Variants in CDH13 observed in about 807,000 individuals in gnomAD.
The protein encoded by CDH13 is cadherin 13, also known as cadherin-13.
A neutral mutation model predicts 63.8 loss-of-function variants in CDH13; 24 were observed. The ratio of observed to expected loss-of-function variants is 0.38; its 90% CI spans 0.27 to 0.53. The LOEUF (loss-of-function observed/expected upper bound fraction) is 0.53. CDH13 is among the 20% of genes least tolerant of loss of function. CDH13 has a pLI of 0.85. For synonymous variants in CDH13, 503 were observed against 355.3 expected, an observed-to-expected ratio of 1.42 and a Z score of -4.67; for missense variants, 1,049 against 903.1, an observed-to-expected ratio of 1.16 and a Z score of -2.07.
intron 1 of CDH13, among the ~76,000 whole-genome samples, chr16:82,752,837 T>C (rs1345257307): frequency 6.6e-6 from 1 of 152,188 alleles, no homozygotes; most frequent in Non-Finnish European, 1.5e-5. Context: ...CAATGACGTA[T>C]CATAGAATGT....
intron 7 of CDH13, among the ~76,000 whole-genome samples, chr16:83,552,471 C>A (rs34357611): frequency 0.3 from 46,214 of 151,992 alleles, 7,091 homozygotes; most frequent in Middle Eastern, 0.36. Flanking sequence ...CTGGCATGGC[C>A]CTCCGTCTCC....
chr16:83,201,204 T>TA (rs1001991716), intron 4 of CDH13, among the ~76,000 whole-genome samples: 1 of 152,146 alleles, frequency 6.6e-6, no homozygotes, highest in Non-Finnish European at 1.5e-5. Flanking sequence ...CTTTATTTAT[T>TA]AAAAAATATT....
intron 5 of CDH13, among the ~76,000 whole-genome samples, chr16:83,230,659 C>T (rs573586411): frequency 3.6e-4 from 55 of 152,188 alleles, no homozygotes; most frequent in African/African-American, 1.2e-3. Context: ...TGGTGGCAAG[C>T]GCCTGTAGTC....
chr16:83,554,631 AG>A (rs1473456273), intron 7 of CDH13, among the ~76,000 whole-genome samples: 1 of 152,076 alleles, frequency 6.6e-6, no homozygotes, highest in Non-Finnish European at 1.5e-5. Flanking sequence ...CTGTCACAAA[AG>A]ACTGCAAAAA....
chr16:83,322,584 G>A (rs1181806488), intron 5 of CDH13, among the ~76,000 whole-genome samples: 6 of 152,132 alleles, frequency 3.9e-5, no homozygotes, highest in Non-Finnish European at 7.3e-5. Context: ...GGGTGCAGCA[G>A]TATATACCTG....
At chr16:82,929,282 C>G (rs948408719) in intron 2 of CDH13, among the ~76,000 whole-genome samples, 1 of 151,984 alleles carries the variant, frequency 6.6e-6, no homozygotes, top group African/African-American at 2.4e-5. Context: ...GGACTTTACT[C>G]TCAGGATATT....
chr16:83,753,559 A>G (rs1369525703), intron 11 of CDH13, among the ~76,000 whole-genome samples: 1 of 152,172 alleles, frequency 6.6e-6, no homozygotes, highest in East Asian at 1.9e-4. Context: ...AAAAAAGTAA[A>G]TAGTGCTAAC....
chr16:83,104,726 G>T (rs1264771048), intron 3 of CDH13, among the ~76,000 whole-genome samples: 1 of 152,120 alleles, frequency 6.6e-6, no homozygotes, highest in Admixed American at 6.5e-5. Context: ...TTTAAGAATT[G>T]GTTGAACAAA....
intron 8 of CDH13, among the ~76,000 whole-genome samples, chr16:83,612,187 C>T (rs968407401): frequency 1.3e-5 from 2 of 151,954 alleles, no homozygotes; most frequent in African/African-American, 4.8e-5. Context: ...TTGAGGCTGT[C>T]TTATTAGATG....
intron 7 of CDH13, among the ~76,000 whole-genome samples, chr16:83,489,410 C>T (rs1305968867): frequency 6.6e-6 from 1 of 152,192 alleles, no homozygotes; most frequent in Non-Finnish European, 1.5e-5. Context: ...TGTCACTCTT[C>T]TGTGAGGGTT....
At chr16:83,523,808 C>G (rs1037461646) in intron 7 of CDH13, among the ~76,000 whole-genome samples, 5 of 152,234 alleles carry the variant, frequency 3.3e-5, no homozygotes, top group Non-Finnish European at 5.9e-5. Context: ...AGAACGACAA[C>G]AGTCCCCATT....
At chr16:82,995,987 A>G (rs1298724911) in intron 2 of CDH13, among the ~76,000 whole-genome samples, 1 of 152,188 alleles carries the variant, frequency 6.6e-6, no homozygotes, top group Non-Finnish European at 1.5e-5. Context: ...GTCAAGTGAG[A>G]TTCAAAATGG....
intron 5 of CDH13, among the ~76,000 whole-genome samples, chr16:83,343,900 A>C (rs1453986435): frequency 6.6e-6 from 1 of 152,214 alleles, no homozygotes; most frequent in Non-Finnish European, 1.5e-5. Flanking sequence ...TATAGTATAG[A>C]GCTAAAGTAA....
chr16:83,505,157 T>G (rs915497874), intron 7 of CDH13, among the ~76,000 whole-genome samples: 1 of 152,216 alleles, frequency 6.6e-6, no homozygotes, highest in Non-Finnish European at 1.5e-5. Flanking sequence ...TTTGGTGCTC[T>G]TATTTCCACA....
chr16:83,189,608 G>T (rs1474281335), intron 4 of CDH13, among the ~76,000 whole-genome samples: 1 of 152,160 alleles, frequency 6.6e-6, no homozygotes, highest in Non-Finnish European at 1.5e-5. Context: ...CTGGATCCAG[G>T]CCTCACACAG....
intron 6 of CDH13, among the ~76,000 whole-genome samples, chr16:83,444,746 A>T (rs918916145): frequency 2.5e-5 from 2 of 80,310 alleles, no homozygotes; most frequent in African/African-American, 1.0e-4. Flanking sequence ...AACCAGCTTA[A>T]ATCTCTGACT....
intron 8 of CDH13, among the ~76,000 whole-genome samples, chr16:83,668,852 G>A (rs1047372444): frequency 2.6e-5 from 4 of 152,262 alleles, no homozygotes; most frequent in Middle Eastern, 3.4e-3. Context: ...TGACTACATG[G>A]CAGGTAGCAT....
At chr16:83,341,989 CCACACACACA>C (rs756844839) in intron 5 of CDH13, among the ~76,000 whole-genome samples, 2,388 of 138,122 alleles carry the variant, frequency 0.017, 34 homozygotes, top group East Asian at 0.06. Context: ...GTGTCCCCTG[CCACACACACA>C]CACACACACA....
chr16:83,678,501 A>C (rs1915148348), intron 10 of CDH13, 40 bp downstream of exon 10: 1 of 1,610,406 alleles, frequency 6.2e-7, no homozygotes, highest in East Asian at 2.2e-5. Context: ...GGAGGTGGGC[A>C]GGAATGGCTT....
Sources: gnomAD v4.1 joint callset for allele counts (sites outside exome capture counted in the v4.1 genomes callset) on GRCh38, gnomAD v4.1.1 for gene constraint, MANE v1.5 for transcripts, NCBI Gene and HGNC (gene_info 2026-07-23, HGNC 2026-07-21) for gene names.